Variants in HORMAD1 observed in about 807,000 individuals in gnomAD.
HORMAD1 encodes the protein HORMA domain containing 1, also known as HORMA domain-containing protein 1.
Under a neutral mutation model 58.2 loss-of-function variants are expected in HORMAD1, and 33 were observed. That is an observed-to-expected ratio of 0.57 (90% CI 0.43 to 0.76). The LOEUF is 0.76. Ranked by LOEUF, HORMAD1 falls within the 30% of genes least tolerant of loss-of-function variation. The pLI, the probability that HORMAD1 is intolerant of heterozygous loss-of-function variation, is 0.00. For synonymous variants in HORMAD1, 137 were observed against 144.6 expected, an observed-to-expected ratio of 0.95 and a Z score of 0.38; for missense variants, 363 against 462.0, an observed-to-expected ratio of 0.79 and a Z score of 1.96.
chr1:150,707,466 G>T (rs1277883749), intron 9 of HORMAD1, among the ~76,000 whole-genome samples: 3 of 152,166 alleles, frequency 2.0e-5, no homozygotes, highest in African/African-American at 7.2e-5. Context: ...TCCTATTTTA[G>T]CCAATGCTAT....
chr1:150,706,626 T>C lies in HORMAD1; in HGVS notation c.731A>G (p.Lys244Arg). The C allele has an allele frequency of 6.2e-7, 1 of 1,613,390 alleles. No individual in the cohort carries two copies. The highest frequency in any genetic ancestry group is 1.1e-5 in the South Asian group (1 of 91,048). Residue 244 changes from lysine to arginine, a missense_variant, in exon 10 of 15, where the codon AAA (lysine) becomes AGA (arginine). Lys to Arg is a conservative substitution (Grantham distance 26). Around this residue, in one of 3 missense-constraint regions of HORMAD1, gnomAD observed 226 missense variants for 257.8 expected, o/e 0.88. Transcript: ENST00000361824. ...ENIDSTILSP[K>R]QIKTPFQKIL... Reference sequence around the variant, plus strand: ...TTTTTGAAATGGTGTTTTTATTTGTTTTGGTGATAGTATAGTTGAGTCAAT... The same window carrying C: ...TTTTTGAAATGGTGTTTTTATTTGTCTTGGTGATAGTATAGTTGAGTCAAT...
At chr1:150,710,017 A>G (rs1651823070) in intron 7 of HORMAD1, among the ~76,000 whole-genome samples, 1 of 152,302 alleles carries the variant, frequency 6.6e-6, no homozygotes, top group East Asian at 1.9e-4. Flanking sequence ...TACTAAAATA[A>G]TGAAGATAAT....
chr1:150,704,062 A>T, intron 12 of HORMAD1, 56 bp downstream of exon 12: 1 of 1,138,334 alleles, frequency 8.8e-7, no homozygotes, highest in Non-Finnish European at 1.2e-6. Flanking sequence ...AAATTAGCGC[A>T]TAAGCAACTG....
At position 150,704,361 on chromosome 1, in the gene HORMAD1, G is replaced by C; in HGVS notation, c.805-18C>G. ...AAATCATCCTACATAATTATGTGAA[G>C]AAAAAAATTGACACATTTCAAAAAG... On this transcript the variant is annotated intron_variant, in intron 10 of 14. Transcript: ENST00000361824. 1 of 1,467,172 alleles carries C rather than the reference G, an allele frequency of 6.8e-7. No homozygotes were observed. The highest frequency in any genetic ancestry group is 2.2e-4 in the Middle Eastern group (1 of 4,562). 90.9% of individuals were successfully genotyped at this position (1,467,172 alleles called of 1,614,324 possible).
rs756319032 is a variant in HORMAD1 at position 150,708,352 on chromosome 1, T to C, written c.451A>G (p.Ile151Val). Residue 151 changes from isoleucine (I) to valine (V), a missense_variant, in exon 9 of 15, where the codon ATT becomes GTT. Around this residue, in one of 3 missense-constraint regions of HORMAD1, gnomAD observed 9 missense variants for 32.4 expected, o/e 0.28. Coordinates refer to ENST00000361824, the MANE Select transcript of HORMAD1 (RefSeq NM_032132.5). ...MLSTDTKKAS[I>V]LLIRKIYILM... ...ATATAAATCTTGCGAATGAGGAGAA[T>C]GCTTGCTTTCTTGGTGTCAGTAGAC... is the stretch of plus-strand genomic sequence containing the variant. 6.2e-6 allele frequency: 10 copies of C among 1,610,154 alleles called. No individual in the cohort carries two copies. The Admixed American group carries it at 8.4e-5, about 13-fold the overall frequency.
At chr1:150,717,651 G>C (rs1461785643) in intron 2 of HORMAD1, among the ~76,000 whole-genome samples, 1 of 152,106 alleles carries the variant, frequency 6.6e-6, no homozygotes, top group East Asian at 1.9e-4. Flanking sequence ...AAAAAGTATA[G>C]GCCGGGTGCA....
At chr1:150,703,017 T>C (rs959531361) in intron 13 of HORMAD1, among the ~76,000 whole-genome samples, 1 of 152,230 alleles carries the variant, frequency 6.6e-6, no homozygotes, top group African/African-American at 2.4e-5. Context: ...CCCGGATCCC[T>C]CTCTTTAATA....
intron 2 of HORMAD1, among the ~76,000 whole-genome samples, chr1:150,717,757 C>G (rs1461123590): frequency 6.6e-6 from 1 of 152,088 alleles, no homozygotes; most frequent in Non-Finnish European, 1.5e-5. Context: ...TGGTGAAACC[C>G]TGTCTCTACT....
At chr1:150,719,975 G>A (rs1435313420) in intron 1 of HORMAD1, among the ~76,000 whole-genome samples, 2 of 152,044 alleles carry the variant, frequency 1.3e-5, no homozygotes, top group Non-Finnish European at 2.9e-5. Context: ...GTGCAGTGGC[G>A]CGATCTCAGC....
chr1:150,700,077 A>G, intron 14 of HORMAD1, 35 bp downstream of exon 14: 3 of 973,584 alleles, frequency 3.1e-6, no homozygotes, highest in South Asian at 2.7e-5. Context: ...GATCCTTCCC[A>G]TTGTATTCAA....
chr1:150,715,758 T>C lies in HORMAD1; in HGVS notation c.179-1080A>G, dbSNP rs77102910. Among the ~76,000 whole-genome samples, 463 of 152,172 alleles carry C rather than the reference T, an allele frequency of 3.0e-3. 12 individuals carry two copies. The highest frequency in any genetic ancestry group is 6.9e-3 in the East Asian group (36 of 5,182). On this transcript the variant is annotated intron_variant, in intron 3 of 14. Transcript: ENST00000361824. ...CTGTATTATTTTTACTTCCTTAAAATAGCACAAGAACATACACTACTACTG... is the reference window on the plus strand; with the variant it reads ...CTGTATTATTTTTACTTCCTTAAAACAGCACAAGAACATACACTACTACTG...
At position 150,714,693 on chromosome 1, in the gene HORMAD1, G is replaced by A. The variant is rs777794795; in HGVS notation, c.179-15C>T. On this transcript the variant is annotated splice_polypyrimidine_tract_variant and intron_variant, in intron 3 of 14. Transcript: ENST00000361824. Reference sequence around the variant, plus strand: ...GACACAAAGATCTAAACACAAAAATGATGAAATATAGAGTTACTTAAGAAA... The same window carrying A: ...GACACAAAGATCTAAACACAAAAATAATGAAATATAGAGTTACTTAAGAAA... The A allele has an allele frequency of 2.9e-6, 4 of 1,368,966 alleles. No individual in the cohort carries two copies. The highest frequency in any genetic ancestry group is 2.0e-5 in the Admixed American group (1 of 50,396). 84.8% of individuals were successfully genotyped at this position (1,368,966 alleles called of 1,614,324 possible).
chr1:150,701,295 T>C (rs1651530031), intron 13 of HORMAD1, among the ~76,000 whole-genome samples: 1 of 152,234 alleles, frequency 6.6e-6, no homozygotes, highest in South Asian at 2.1e-4. Context: ...ATGAACATTT[T>C]GCTTCTAGAA....
rs1651443883 is a variant in HORMAD1 at position 150,698,693 on chromosome 1, T to G, written c.1146A>C (p.Pro382=). The change falls in exon 15 of 15, where the codon CCA becomes CCC. Residue 382 remains proline (P), a synonymous_variant. Transcript: ENST00000361824. ...TTGGTTCACTAAACTTTCTCCTTTTTGGCACTGACTCTTGACTAGAAGAAT... is the reference window on the plus strand; with the variant it reads ...TTGGTTCACTAAACTTTCTCCTTTTGGGCACTGACTCTTGACTAGAAGAAT... ...HFDSSSQESV[P]KRRKFSEPKE... is the part of the protein sequence containing the mutation. The G allele has an allele frequency of 1.9e-6, 3 of 1,604,574 alleles. No homozygotes were observed. The Admixed American group carries it at 5.0e-5, about 27-fold the overall frequency.
In HORMAD1 at chr1:150,706,671, T is replaced by C; in HGVS notation, c.686A>G (p.Glu229Gly). 6.2e-7 allele frequency: 1 copy of C among 1,613,920 alleles called. No individual in the cohort carries two copies. The highest frequency in any genetic ancestry group is 8.5e-7 in the Non-Finnish European group (1 of 1,179,910). ...GTCAATATTTTCCATTCGTTCTCTCTCAGTGGTCACTTTTACTTTGAAGAT... is the reference window on the plus strand; with the variant it reads ...GTCAATATTTTCCATTCGTTCTCTCCCAGTGGTCACTTTTACTTTGAAGAT... ...FHIFKVKVTTERERMENIDST... is the reference protein window; with the variant it reads ...FHIFKVKVTTGRERMENIDST... Residue 229 changes from glutamate to glycine, a missense_variant, in exon 10 of 15, where the codon GAG (glutamate) becomes GGG (glycine). This residue lies in a region of HORMAD1 where 226 missense variants were observed against 257.8 expected (regional missense o/e 0.88). Coordinates refer to ENST00000361824, the MANE Select transcript of HORMAD1 (RefSeq NM_032132.5).
At chr1:150,709,639 A>G (rs11204711) in intron 7 of HORMAD1, among the ~76,000 whole-genome samples, 55,626 of 145,920 alleles carry the variant, frequency 0.38, 10,424 homozygotes, top group South Asian at 0.54. Flanking sequence ...CACCCATAAA[A>G]GGTCTGTGCT....
rs1651840953 is a variant in HORMAD1 at position 150,710,464 on chromosome 1, C to T, written c.327+1081G>A. On this transcript the variant is annotated intron_variant, in intron 7 of 14. Transcript: ENST00000361824. ...ACAGGGTACTTTATAAAGTACCTGA[C>T]ATATAGTAAACATTCAATAAATATT... is the stretch of plus-strand genomic sequence containing the variant. Among the ~76,000 whole-genome samples, 4 of 152,130 alleles carry T rather than the reference C, an allele frequency of 2.6e-5. No homozygotes were observed. The South Asian group carries it at 8.3e-4, about 32-fold the overall frequency.
At chr1:150,714,594 T>C in intron 4 of HORMAD1, 21 bp downstream of exon 4, 1 of 1,297,224 alleles carries the variant, frequency 7.7e-7, no homozygotes, top group Non-Finnish European at 1.1e-6. Flanking sequence ...ATTTTCTCTC[T>C]TTAGGTATTC....
intron 3 of HORMAD1, among the ~76,000 whole-genome samples, 200 bp downstream of exon 3, chr1:150,716,938 G>C (rs1224300778): frequency 6.9e-6 from 1 of 145,002 alleles, no homozygotes; most frequent in African/African-American, 2.6e-5. Flanking sequence ...ACTCCAGCCC[G>C]GGCGAGACCC....
Sources: allele counts gnomAD v4.1 joint callset (sites outside exome capture counted in the v4.1 genomes callset), GRCh38; gene constraint gnomAD v4.1.1; regional missense constraint gnomAD v4.1.1; transcripts MANE v1.5; gene names NCBI Gene and HGNC (gene_info 2026-07-23, HGNC 2026-07-21).